Variants in ITIH4 observed in about 807,000 individuals in gnomAD.
ITIH4 encodes inter-alpha-trypsin inhibitor heavy chain H4.
Under a neutral mutation model 111.8 loss-of-function variants are expected in ITIH4, and 79 were observed. The ratio of observed to expected loss-of-function variants is 0.71; its 90% CI spans 0.59 to 0.85. The LOEUF is 0.85. Ranked by LOEUF, ITIH4 falls within the 40% of genes least tolerant of loss-of-function variation. The pLI, the probability that ITIH4 is intolerant of heterozygous loss-of-function variation, is 0.00. For missense variants in ITIH4, 1,065 were observed against 1,195.8 expected (o/e 0.89, Z 1.61); for synonymous variants, 472 against 468.3 (o/e 1.01, Z -0.10).
At position 52,823,401 on chromosome 3, in the gene ITIH4, C is replaced by T. The variant is rs921700953; in HGVS notation, c.1539+155G>A. The T allele has an allele frequency of 1.1e-5, 7 of 636,588 alleles. No homozygotes were observed. The Admixed American group carries it at 2.0e-4, about 18-fold the overall frequency. 39.4% of individuals were successfully genotyped at this position (636,588 alleles called of 1,614,324 possible). ...TGTGCTGGTCTCATGAGAATCACTC[C>T]ATTGTCTCATTGAATCCCTGCCATG... On this transcript the variant is annotated intron_variant, in intron 11 of 23. Coordinates refer to ENST00000266041, the MANE Select transcript of ITIH4 (RefSeq NM_002218.5).
Position 52,820,782 on chromosome 3 carries a change from G to A in ITIH4, c.1683C>T (p.Val561=). 1.2e-6 allele frequency: 2 copies of A among 1,610,504 alleles called. No homozygotes were observed. Among genetic ancestry groups the A allele is most frequent in the Non-Finnish European group, 1.7e-6 (2 of 1,178,082 alleles). The change falls in exon 13 of 24, where the codon GTC becomes GTT. Residue 561 remains valine (V), a synonymous_variant. Transcript: ENST00000266041. The part of the protein sequence containing the change: ...LTIQQLLEQT[V]SASDADQQAL... Reference sequence around the variant, plus strand: ...CCTGCTGATCAGCATCGGATGCGGAGACACTGTAGGTGGAGCACATCAGAG... The same window carrying A: ...CCTGCTGATCAGCATCGGATGCGGAAACACTGTAGGTGGAGCACATCAGAG...
chr3:52,830,291 T>C, intron 1 of ITIH4: 1 of 543,526 alleles, frequency 1.8e-6, no homozygotes. Flanking sequence ...GGTCACTTAC[T>C]AAAAGGCGGT....
intron 2 of ITIH4, 75 bp from the exon 3 acceptor site, chr3:52,827,272 C>G: frequency 7.7e-6 from 9 of 1,172,772 alleles, no homozygotes; most frequent in South Asian, 2.4e-5. Flanking sequence ...CTCCAGAGAG[C>G]CTTTCTGGAC....
At chr3:52,813,901 G>T in intron 23 of ITIH4, 74 bp downstream of exon 23, 1 of 1,189,314 alleles carries the variant, frequency 8.4e-7, no homozygotes, top group South Asian at 1.3e-5. Flanking sequence ...TGGGGCCCTG[G>T]AGAGCCTGGC....
chr3:52,821,260 C>A, intron 11 of ITIH4, 130 bp from the exon 12 acceptor site: 1 of 1,113,406 alleles, frequency 9.0e-7, no homozygotes, highest in Non-Finnish European at 1.3e-6. Context: ...ACTGCATTTC[C>A]TTTGAGTGGG....
chr3:52,813,858 G>A (rs1291775597), intron 23 of ITIH4, 117 bp downstream of exon 23: 11 of 795,746 alleles, frequency 1.4e-5, no homozygotes, highest in East Asian at 5.4e-5. Context: ...ACCTTCCACC[G>A]GACTGTGTCT....
intron 17 of ITIH4, 173 bp downstream of exon 17, chr3:52,819,219 GC>G (rs1700329480): frequency 1.5e-6 from 1 of 681,134 alleles, no homozygotes; most frequent in Non-Finnish European, 2.5e-6. Context: ...TCCCACCCCA[GC>G]CCCAGTAAAT....
chr3:52,824,858 C>A lies in ITIH4; in HGVS notation c.860G>T (p.Gly287Val), dbSNP rs1252412360. ...AGGACCTACCTGCTGGATTTTCCTG[C>A]CACTCATGGAGCCGCTCTTGTCAAT... is the stretch of plus-strand genomic sequence containing the variant. ...FVIDKSGSMS[G>V]RKIQQTREAL... The change falls in exon 7 of 24, where the codon GGC (glycine) becomes GTC (valine). Residue 287 changes from glycine to valine, a missense_variant. By Grantham distance (109) the Gly-to-Val change is moderately radical (BLOSUM62 -3). Coordinates refer to ENST00000266041, the MANE Select transcript of ITIH4 (RefSeq NM_002218.5). The surrounding 1 kb of genome is among the most constrained non-coding windows in gnomAD (Gnocchi z 4.3). The A allele has an allele frequency of 1.9e-6, 3 of 1,613,624 alleles. No individual in the cohort carries two copies. Among genetic ancestry groups the A allele is most frequent in the South Asian group, 1.1e-5 (1 of 90,990 alleles).
At chr3:52,814,500 A>G (rs1700245282) in intron 21 of ITIH4, 137 bp from the exon 22 acceptor site, 1 of 686,142 alleles carries the variant, frequency 1.5e-6, no homozygotes, top group Admixed American at 2.7e-5. Context: ...AAGGCCCTTA[A>G]ATCTTCTGAT....
chr3:52,820,662 C>G lies in ITIH4; in HGVS notation c.1803G>C (p.Gln601His), dbSNP rs1305939554. 3.1e-6 allele frequency: 5 copies of G among 1,613,002 alleles called. No homozygotes were observed. In the East Asian group the frequency reaches 1.1e-4, roughly 36 times the overall value. ...CCATGGGCTTCTCAGCAACTTGAGA[C>G]TGCTCTTGGTCATCGGGTTTGGTGA... Reference protein sequence around the residue: ...MVVTKPDDQEQSQVAEKPMEG... With the variant: ...MVVTKPDDQEHSQVAEKPMEG... The change falls in exon 13 of 24, where the codon CAG becomes CAC. Residue 601 changes from glutamine to histidine, a missense_variant. Physicochemically the swap from Gln to His is conservative, Grantham distance 24 (BLOSUM62 0). Transcript: ENST00000266041.
Position 52,827,169 on chromosome 3 carries a change from T to C in ITIH4, c.280A>G (p.Ile94Val). 1 of 1,614,118 alleles carries C rather than the reference T, an allele frequency of 6.2e-7. No individual in the cohort carries two copies. Among genetic ancestry groups the C allele is most frequent in the Non-Finnish European group, 8.5e-7 (1 of 1,180,004 alleles). ...TGGGCTTCAGCCTTCTCCTTGATGA[T>C]CCCTGGGTAGGTCATGCCATCGATG... ...MIIDGMTYPGIIKEKAEAQAQ... is the reference protein window; with the variant it reads ...MIIDGMTYPGVIKEKAEAQAQ... The change falls in exon 3 of 24, where the codon ATC (isoleucine) becomes GTC (valine). Residue 94 changes from isoleucine to valine, a missense_variant. Physicochemically the swap from Ile to Val is conservative, Grantham distance 29. Transcript: ENST00000266041.
chr3:52,830,559 G>A lies in ITIH4; in HGVS notation c.84C>T (p.Ala28=), dbSNP rs529917157. Reference sequence around the variant, plus strand: ...ACCCATGGACACTGGCTACCTTTTCGGCAGTAGTAGTCTGGTGGATGGCCA... The same window carrying A: ...ACCCATGGACACTGGCTACCTTTTCAGCAGTAGTAGTCTGGTGGATGGCCA... The part of the protein sequence containing the change: ...SLLAIHQTTT[A]EKNGIDIYSL... Residue 28 remains alanine, a synonymous_variant, in exon 1 of 24, where the codon GCC becomes GCT. Transcript: ENST00000266041. 81 of 1,614,034 alleles carry A rather than the reference G, an allele frequency of 5.0e-5. No individual in the cohort carries two copies. Among genetic ancestry groups the A allele is most frequent in the Middle Eastern group, 3.3e-4 (2 of 6,062 alleles).
In ITIH4 at chr3:52,824,430, T is replaced by C; in HGVS notation, c.1012A>G (p.Arg338Gly). The change falls in exon 8 of 24, where the codon AGG (arginine) becomes GGG (glycine). Residue 338 changes from arginine to glycine, a missense_variant. Transcript: ENST00000266041. This position sits in a 1 kb window ranked among gnomAD's most constrained non-coding sequence, Gnocchi z 4.3. ...PASAENVNKA[R>G]SFAAGIQALG... The stretch of plus-strand genomic sequence containing the variant: ...GCCTGGATGCCCGCAGCAAAGCTCC[T>C]GGCCTTGTTCACGTTCTCGGCTGAG... 1 of 1,614,188 alleles carries C rather than the reference T, an allele frequency of 6.2e-7. No homozygotes were observed. The highest frequency in any genetic ancestry group is 1.3e-5 in the African/African-American group (1 of 75,048).
intron 21 of ITIH4, among the ~76,000 whole-genome samples, chr3:52,816,512 A>G (rs1328057384): frequency 6.6e-6 from 1 of 151,758 alleles, no homozygotes; most frequent in Non-Finnish European, 1.5e-5. Context: ...TCCCAACTAC[A>G]CTCTCTCATT....
rs747029090 is a variant in ITIH4 at position 52,820,330 on chromosome 3, A to AAGAG, written c.1835-17_1835-14dup. On this transcript the variant is annotated splice_polypyrimidine_tract_variant and intron_variant, in intron 13 of 23. Transcript: ENST00000266041. ...CTGTTTCTACTTTCTGGATAAAACA[A>AAGAG]AGAGAGAGAGAGAGACAGACAGACA... is the stretch of plus-strand genomic sequence containing the variant. The AAGAG allele has an allele frequency of 1.9e-6, 3 of 1,607,476 alleles. No individual in the cohort carries two copies. Among genetic ancestry groups the AAGAG allele is most frequent in the East Asian group, 2.2e-5 (1 of 44,622 alleles).
chr3:52,822,801 G>A (rs1389103066), intron 11 of ITIH4, among the ~76,000 whole-genome samples: 2 of 152,080 alleles, frequency 1.3e-5, no homozygotes, highest in African/African-American at 4.8e-5. Flanking sequence ...ATGCCACAGG[G>A]GCCTAACATA....
Position 52,818,523 on chromosome 3 carries a change from T to G in ITIH4, c.2091A>C (p.Ala697=). ...GATCAGGATTTGAGGTGGCTGGTGG[T>G]GCTGAAGCAGGCACTAGGGCAGGAA... The part of the protein sequence containing the change: ...FRRLAILPAS[A]PPATSNPDPA... The change falls in exon 18 of 24, where the codon GCA becomes GCC. Residue 697 remains alanine (A), a synonymous_variant. Coordinates refer to ENST00000266041, the MANE Select transcript of ITIH4 (RefSeq NM_002218.5). 1 of 1,603,432 alleles carries G rather than the reference T, an allele frequency of 6.2e-7. No individual in the cohort carries two copies. The highest frequency in any genetic ancestry group is 1.1e-5 in the South Asian group (1 of 89,226).
intron 23 of ITIH4, 67 bp from the exon 24 acceptor site, chr3:52,813,557 A>G: frequency 1.4e-6 from 2 of 1,406,444 alleles, no homozygotes; most frequent in Non-Finnish European, 2.0e-6. Flanking sequence ...GAAAAGAGGG[A>G]GACAGCTGGG....
chr3:52,823,841 G>A lies in ITIH4; in HGVS notation c.1335C>T (p.Asp445=), dbSNP rs1028488747. The change falls in exon 10 of 24, where the codon GAC becomes GAT. Residue 445 remains aspartate, a synonymous_variant. Coordinates refer to ENST00000266041, the MANE Select transcript of ITIH4 (RefSeq NM_002218.5). Reference sequence around the variant, plus strand: ...CTGGCACCTGGAGCTGCAGGGCAGAGTCTGAGTCCTCATGGATGCGCCGGG... The same window carrying A: ...CTGGCACCTGGAGCTGCAGGGCAGAATCTGAGTCCTCATGGATGCGCCGGG... ...GLARRIHEDS[D]SALQLQDFYQ... The A allele has an allele frequency of 1.3e-5, 21 of 1,613,872 alleles. 1 individual carries two copies. In the Admixed American group the frequency reaches 3.0e-4, roughly 23 times the overall value.
Sources: gnomAD v4.1 joint callset for allele counts (sites outside exome capture counted in the v4.1 genomes callset) on GRCh38, gnomAD v4.1.1 for gene constraint, Gnocchi (gnomAD v3.1) non-coding constraint, MANE v1.5 for transcripts, NCBI Gene and HGNC (gene_info 2026-07-23, HGNC 2026-07-21) for gene names.